The following CNTN6 variants were observed in gnomAD, a reference collection of about 807,000 sequenced individuals.
The protein encoded by CNTN6 is contactin 6, also known as contactin-6.
A neutral mutation model predicts 122.8 loss-of-function variants in CNTN6; 137 were observed. The ratio of observed to expected loss-of-function variants is 1.12; its 90% CI spans 0.97 to 1.29. The LOEUF is 1.29. Among genes scored for constraint, CNTN6 ranks in the 50% most tolerant of loss-of-function variants. The pLI is 0.00. For missense variants in CNTN6, 1,634 were observed against 1,223.4 expected (o/e 1.34, Z -5.01); for synonymous variants, 570 against 426.0 (o/e 1.34, Z -4.16).
At position 1,388,053 on chromosome 3, in the gene CNTN6, G is replaced by A. The variant is rs549327305; in HGVS notation, c.2704+2256G>A. 1.1e-3 allele frequency among the ~76,000 whole-genome samples: 166 copies of A among 152,276 alleles called. 1 individual carries two copies. Among genetic ancestry groups the A allele is most frequent in the East Asian group, 7.2e-3 (37 of 5,160 alleles). On this transcript the variant is annotated intron_variant, in intron 20 of 22. Transcript: ENST00000446702. ...AGCCAGGAAGCTCCAACTGGGTGGA[G>A]CCCACCACAGCTCAAGGAGGCCTGC...
chr3:1,332,750 A>G (rs1452328415), intron 11 of CNTN6, among the ~76,000 whole-genome samples: 1 of 152,068 alleles, frequency 6.6e-6, no homozygotes, highest in African/African-American at 2.4e-5. Flanking sequence ...TTTCCTAAAA[A>G]AGGAGAGAAA....
intron 10 of CNTN6, 75 bp from the exon 11 acceptor site, chr3:1,329,710 C>T: frequency 7.9e-7 from 1 of 1,259,944 alleles, no homozygotes; most frequent in Non-Finnish European, 1.1e-6. Context: ...TTCTGTCTAG[C>T]ATAGCAAGTC....
chr3:1,286,798 C>G (rs76394963), intron 5 of CNTN6, among the ~76,000 whole-genome samples: 1 of 152,118 alleles, frequency 6.6e-6, no homozygotes, highest in African/African-American at 2.4e-5. Flanking sequence ...GGAGACCCAT[C>G]TCACATGCAA....
intron 11 of CNTN6, among the ~76,000 whole-genome samples, chr3:1,330,269 AAAG>A (rs1359726654): frequency 6.6e-6 from 1 of 151,930 alleles, no homozygotes; most frequent in African/African-American, 2.4e-5. Context: ...AACATTTCAC[AAAG>A]GAGAGAGACA....
At chr3:1,118,688 G>C (rs1408118698) in intron 1 of CNTN6, among the ~76,000 whole-genome samples, 2 of 151,970 alleles carry the variant, frequency 1.3e-5, no homozygotes, top group African/African-American at 4.8e-5. Context: ...TCAAGTACTG[G>C]TCACTTGGTC....
intron 12 of CNTN6, among the ~76,000 whole-genome samples, chr3:1,366,635 G>A (rs1708258593): frequency 6.6e-6 from 1 of 152,170 alleles, no homozygotes. Flanking sequence ...CCCTGCAAGT[G>A]TGATTTTTGT....
chr3:1,325,688 C>T (rs922168147), intron 8 of CNTN6, 127 bp from the exon 9 acceptor site: 8 of 829,094 alleles, frequency 9.6e-6, no homozygotes, highest in African/African-American at 3.5e-5. Flanking sequence ...TCCCTCAAAT[C>T]GTGTGTGTGC....
intron 7 of CNTN6, 70 bp downstream of exon 7, chr3:1,298,061 A>T: frequency 9.4e-7 from 1 of 1,060,818 alleles, no homozygotes; most frequent in East Asian, 2.5e-5. Flanking sequence ...CCTTTTTGTT[A>T]TTCATATATT....
chr3:1,388,748 G>C (rs1291095472), intron 20 of CNTN6, among the ~76,000 whole-genome samples: 1 of 149,282 alleles, frequency 6.7e-6, no homozygotes, highest in Non-Finnish European at 1.5e-5. Context: ...ACCAAGGCTC[G>C]AGAACTACGT....
intron 2 of CNTN6, among the ~76,000 whole-genome samples, chr3:1,182,019 CT>C (rs950163154): frequency 8.6e-5 from 13 of 151,854 alleles, no homozygotes; most frequent in Non-Finnish European, 1.8e-4. Flanking sequence ...AGAAACTGTG[CT>C]TTTTTTTCTT....
chr3:1,111,579 G>A (rs2091481989), intron 1 of CNTN6, among the ~76,000 whole-genome samples: 5 of 152,096 alleles, frequency 3.3e-5, no homozygotes, highest in Admixed American at 3.3e-4. Context: ...AGCACCCTAG[G>A]ATGCAACAGT....
chr3:1,177,610 G>C (rs2093474699), intron 2 of CNTN6, among the ~76,000 whole-genome samples: 1 of 151,972 alleles, frequency 6.6e-6, no homozygotes, highest in South Asian at 2.1e-4. Flanking sequence ...GTTTACCTAA[G>C]AAAACCTTTA....
chr3:1,299,598 A>G (rs1288988948), intron 7 of CNTN6, among the ~76,000 whole-genome samples: 2 of 152,240 alleles, frequency 1.3e-5, no homozygotes, highest in Non-Finnish European at 2.9e-5. Flanking sequence ...TTCATTACAT[A>G]TGAGAAACTG....
intron 4 of CNTN6, among the ~76,000 whole-genome samples, chr3:1,243,330 G>A (rs544560572): frequency 1.3e-5 from 2 of 152,296 alleles, no homozygotes; most frequent in East Asian, 1.9e-4. Context: ...TCAGGTGTTT[G>A]GAAGTTCTTG....
At chr3:1,350,845 C>T (rs1055493992) in intron 11 of CNTN6, among the ~76,000 whole-genome samples, 3 of 151,704 alleles carry the variant, frequency 2.0e-5, no homozygotes, top group Admixed American at 6.6e-5. Context: ...CACCCAAAAG[C>T]TTCTCACATT....
Position 1,295,867 on chromosome 3 carries a change from C to A in CNTN6, c.658+63C>A, listed in dbSNP as rs77968755. 3.4e-3 allele frequency: 4,971 copies of A among 1,447,272 alleles called. 156 individuals are homozygous for A. In the African/African-American group the frequency reaches 0.061, roughly 18 times the overall value. The allele number at this position is 1,447,272 out of a possible 1,614,324, so 89.7% of individuals were successfully genotyped here. A position where few individuals can be genotyped will look rare whatever the true frequency, so the allele number is the denominator to read the frequency against. On this transcript the variant is annotated intron_variant, in intron 6 of 22. Transcript: ENST00000446702. The stretch of plus-strand genomic sequence containing the variant: ...TTGGCCCTTAAAGCCTGGGAAGATT[C>A]GTAAAGCTTTCTGCTTCCTTCTTGT...
chr3:1,272,399 G>A lies in CNTN6; in HGVS notation c.359-6014G>A, dbSNP rs530884531. The stretch of plus-strand genomic sequence containing the variant: ...CAGGTGATTGTGAGGATTACAGGTG[G>A]TTCTGAGGATTCAATGAGTGTACTT... On this transcript the variant is annotated intron_variant, in intron 4 of 22. Coordinates refer to ENST00000446702, the MANE Select transcript of CNTN6 (RefSeq NM_001289080.2). Among the ~76,000 whole-genome samples the A allele has an allele frequency of 6.4e-4, 98 of 152,248 alleles. 1 individual carries two copies. The highest frequency in any genetic ancestry group is 2.2e-3 in the African/African-American group (90 of 41,512).
chr3:1,387,672 T>C (rs1260186418), intron 20 of CNTN6, among the ~76,000 whole-genome samples: 10 of 151,926 alleles, frequency 6.6e-5, no homozygotes, highest in South Asian at 2.1e-4. Flanking sequence ...CACTAGGGGG[T>C]GCCAGACAGT....
chr3:1,143,531 T>A (rs2092659883), intron 1 of CNTN6, among the ~76,000 whole-genome samples: 1 of 152,178 alleles, frequency 6.6e-6, no homozygotes, highest in Non-Finnish European at 1.5e-5. Context: ...CTGTGGCTAT[T>A]TTGCATGTCA....
Sources: allele counts gnomAD v4.1 joint callset (sites outside exome capture counted in the v4.1 genomes callset), GRCh38; gene constraint gnomAD v4.1.1; transcripts MANE v1.5; gene names NCBI Gene and HGNC (gene_info 2026-07-23, HGNC 2026-07-21).